Variants in OTC observed in about 807,000 individuals in gnomAD.
OTC encodes ornithine transcarbamylase, mitochondrial.
A neutral mutation model predicts 30.3 loss-of-function variants in OTC; 3 were observed. That is an observed-to-expected ratio of 0.10 (90% CI 0.05 to 0.26). The LOEUF is 0.26. Ranked by LOEUF, OTC falls within the 10% of genes least tolerant of loss-of-function variation. OTC has a pLI of 1.00. For synonymous variants in OTC, 111 were observed against 99.7 expected (o/e 1.11, Z -0.67); for missense variants, 194 against 260.3 (o/e 0.75, Z 1.75).
intron 3 of OTC, among the ~76,000 whole-genome samples, chrX:38,370,414 A>C: frequency 8.9e-6 from 1 of 111,795 alleles, no homozygotes; most frequent in Non-Finnish European, 1.9e-5. Flanking sequence ...GGTCATTAGA[A>C]CATCATCATC....
At chrX:38,362,220 T>C (rs2068275479) in intron 1 of OTC, among the ~76,000 whole-genome samples, 1 of 111,885 alleles carries the variant, frequency 8.9e-6, no homozygotes, top group Non-Finnish European at 1.9e-5. Context: ...TGCAACATAG[T>C]GCCTATAGTT....
intron 4 of OTC, among the ~76,000 whole-genome samples, chrX:38,386,530 T>G (rs919248944): frequency 2.7e-5 from 3 of 111,439 alleles, no homozygotes; most frequent in Non-Finnish European, 5.7e-5. Flanking sequence ...ATTTTAATAC[T>G]TCACATAGGT....
At chrX:38,412,127 T>TA (rs2068547275) in intron 9 of OTC, 128 bp downstream of exon 9, 1 of 666,585 alleles carries the variant, frequency 1.5e-6, no homozygotes, top group Admixed American at 2.4e-5. Context: ...AACATCTATT[T>TA]TTTTCCAGAA....
intron 4 of OTC, among the ~76,000 whole-genome samples, chrX:38,400,534 C>T (rs1274827257): frequency 9.0e-6 from 1 of 110,951 alleles, no homozygotes; most frequent in Admixed American, 9.5e-5. Context: ...GGAGGCAGGT[C>T]TGACCCCTGT....
intron 4 of OTC, among the ~76,000 whole-genome samples, chrX:38,388,796 T>C (rs2068417557): frequency 8.9e-6 from 1 of 112,502 alleles, no homozygotes; most frequent in Non-Finnish European, 1.9e-5. Flanking sequence ...AGATGTAATT[T>C]ACTTATGGTA....
At chrX:38,387,615 T>C (rs1195200934) in intron 4 of OTC, among the ~76,000 whole-genome samples, 1 of 111,066 alleles carries the variant, frequency 9.0e-6, no homozygotes, top group Non-Finnish European at 1.9e-5. Flanking sequence ...CACACTCAGG[T>C]TTGATCATTT....
chrX:38,392,050 A>G (rs1450140797), intron 4 of OTC, among the ~76,000 whole-genome samples: 2 of 111,778 alleles, frequency 1.8e-5, no homozygotes, highest in Non-Finnish European at 3.8e-5. Flanking sequence ...ACAGTAGGAA[A>G]AGAGATGATG....
intron 4 of OTC, among the ~76,000 whole-genome samples, chrX:38,396,572 A>T (rs1197181731): frequency 9.0e-6 from 1 of 110,959 alleles, no homozygotes; most frequent in Non-Finnish European, 1.9e-5. Context: ...CAGGAGTTTG[A>T]AACCAGCCAG....
intron 4 of OTC, among the ~76,000 whole-genome samples, chrX:38,400,318 A>G (rs2068479158): frequency 8.9e-6 from 1 of 111,751 alleles, no homozygotes; most frequent in South Asian, 3.8e-4. Context: ...TTATAGGAAT[A>G]TAGTTTTTAA....
At position 38,421,257 on chromosome X, in the gene OTC, T is replaced by C. The variant is rs752290309; in HGVS notation, c.*175T>C. 2.1e-4 allele frequency: 93 copies of C among 449,086 alleles called. No homozygotes were observed. The highest frequency in any genetic ancestry group is 3.4e-4 in the Non-Finnish European group (87 of 252,688). 37.0% of individuals were successfully genotyped at this position (449,086 alleles called of 1,213,427 possible). A position where few individuals can be genotyped will look rare whatever the true frequency, so the allele number is the denominator to read the frequency against. ...TTCCTTAAGCCTTTAATTTAAGTGC[T>C]GATGCACTGTAATACGTGCTTAACT... On this transcript the variant is annotated 3_prime_UTR_variant, in exon 10 of 10. Transcript: ENST00000039007.
In OTC at chrX:38,401,275, T is replaced by A; in HGVS notation, c.387T>A (p.Arg129=). Residue 129 remains arginine, a splice_region_variant and synonymous_variant, in exon 5 of 10, where the codon CGT becomes CGA. Coordinates refer to ENST00000039007, the MANE Select transcript of OTC (RefSeq NM_000531.6). ...TTATCTTTTTCTTGGTTTGCCACAG[T>A]GTATTGTCTAGCATGGCAGATGCAG... ...GVNESLTDTA[R]VLSSMADAVL... 8.3e-7 allele frequency: 1 copy of A among 1,199,124 alleles called. No individual in the cohort carries two copies. Among genetic ancestry groups the A allele is most frequent in the Non-Finnish European group, 1.1e-6 (1 of 884,077 alleles).
intron 1 of OTC, among the ~76,000 whole-genome samples, chrX:38,365,394 T>C (rs1164160761): frequency 1.8e-5 from 2 of 112,667 alleles, no homozygotes; most frequent in Non-Finnish European, 3.7e-5. Flanking sequence ...AATTGATCTT[T>C]TTCGGTTTTG....
At chrX:38,338,594 G>A in the OTC span, among the ~76,000 whole-genome samples, 2 of 111,662 alleles carry the variant, frequency 1.8e-5, no homozygotes, top group Admixed American at 9.5e-5. Flanking sequence ...TCCTTTTTTT[G>A]TTTGTTTTTT....
At chrX:38,416,352 A>G (rs1270765902) in intron 9 of OTC, among the ~76,000 whole-genome samples, 1 of 111,453 alleles carries the variant, frequency 9.0e-6, no homozygotes, top group Non-Finnish European at 1.9e-5. Context: ...CAAAAATCAC[A>G]CTTTTCCTCC....
chrX:38,403,714 A>G lies in OTC; in HGVS notation c.637A>G (p.Met213Val). 1 of 1,211,083 alleles carries G rather than the reference A, an allele frequency of 8.3e-7. No homozygotes were observed. Residue 213 changes from methionine to valine, a missense_variant, in exon 6 of 10, where the codon ATG (methionine) becomes GTG (valine). Physicochemically the swap from Met to Val is conservative, Grantham distance 21. Transcript: ENST00000039007. ...SIMMSAAKFG[M>V]HLQAATPKGY... ...CATGATGAGCGCAGCGAAATTCGGA[A>G]TGCACCTTCAGGCAGCTACTCCAAA... is the stretch of plus-strand genomic sequence containing the variant.
chrX:38,328,405 G>T, the OTC span, among the ~76,000 whole-genome samples: 1 of 112,450 alleles, frequency 8.9e-6, no homozygotes, highest in Non-Finnish European at 1.9e-5. Context: ...AAGCAAAGTG[G>T]AGGTTACTAA....
intron 2 of OTC, among the ~76,000 whole-genome samples, chrX:38,369,576 G>A (rs1318168683): frequency 2.8e-5 from 3 of 107,547 alleles, no homozygotes; most frequent in African/African-American, 6.8e-5. Context: ...GGCCAGGCTG[G>A]TCTCGAACTC....
chrX:38,398,161 G>A (rs5917594), intron 4 of OTC, among the ~76,000 whole-genome samples: 29,583 of 110,888 alleles, frequency 0.27, 3,432 homozygotes, highest in African/African-American at 0.41. Context: ...CTTTTTTTCA[G>A]TCTTCTTGAA....
intron 3 of OTC, among the ~76,000 whole-genome samples, chrX:38,377,181 C>T (rs1044867830): frequency 2.7e-5 from 3 of 111,363 alleles, no homozygotes; most frequent in Non-Finnish European, 3.8e-5. Flanking sequence ...AAAATATAAA[C>T]GCGTGGAAAT....
Sources: gnomAD v4.1 joint callset for allele counts (sites outside exome capture counted in the v4.1 genomes callset) on GRCh38, gnomAD v4.1.1 for gene constraint, MANE v1.5 for transcripts, NCBI Gene and HGNC (gene_info 2026-07-23, HGNC 2026-07-21) for gene names.